The following FSTL5 variants were observed in gnomAD, a reference collection of about 807,000 sequenced individuals.
FSTL5 encodes follistatin like 5, also known as follistatin-related protein 5.
A neutral mutation model predicts 89.1 loss-of-function variants in FSTL5; 62 were observed. That is an observed-to-expected ratio of 0.70 (90% confidence interval 0.57 to 0.86). The LOEUF is 0.86. Ranked by LOEUF, FSTL5 falls within the 40% of genes least tolerant of loss-of-function variation. The probability of loss-of-function intolerance (pLI) is 0.00; values close to 1 mark genes in which losing one functional copy is unlikely to be tolerated. For missense variants in FSTL5, 1,057 were observed against 1,001.6 expected (o/e 1.06, Z -0.75); for synonymous variants, 383 against 346.2 (o/e 1.11, Z -1.18).
intron 2 of FSTL5, among the ~76,000 whole-genome samples, chr4:162,088,617 AAGTT>A (rs1218006005): frequency 6.6e-6 from 1 of 152,142 alleles, no homozygotes; most frequent in Non-Finnish European, 1.5e-5. Context: ...ACATAACTGT[AAGTT>A]AGCTACTTAA....
chr4:162,144,537 C>T (rs1035990262), intron 1 of FSTL5, among the ~76,000 whole-genome samples: 2 of 152,158 alleles, frequency 1.3e-5, no homozygotes, highest in South Asian at 4.1e-4. Flanking sequence ...TGGAATCAAA[C>T]TCAACTTAAT....
chr4:161,831,799 C>CAT lies in FSTL5; in HGVS notation c.410-55727_410-55726dup, dbSNP rs201582755. Among the ~76,000 whole-genome samples, 276 of 151,570 alleles carry CAT rather than the reference C, an allele frequency of 1.8e-3. 1 individual carries two copies. The highest frequency in any genetic ancestry group is 5.8e-3 in the African/African-American group (240 of 41,346). On this transcript the variant is annotated intron_variant, in intron 4 of 15. Transcript: ENST00000306100. ...GGAACAGCATAATAATATATAACAG[C>CAT]ATATATATACATATATATGCCATTC...
chr4:161,575,460 T>C (rs1733175940), intron 8 of FSTL5, among the ~76,000 whole-genome samples: 1 of 152,042 alleles, frequency 6.6e-6, no homozygotes, highest in Non-Finnish European at 1.5e-5. Context: ...TTCTTTTTTT[T>C]CTTTTTTTTT....
chr4:161,694,045 A>T (rs1579026975), intron 6 of FSTL5, among the ~76,000 whole-genome samples: 1 of 152,108 alleles, frequency 6.6e-6, no homozygotes, highest in Admixed American at 6.5e-5. Flanking sequence ...ATAAAAGTTT[A>T]TCAAATTTAT....
At chr4:161,444,348 C>T (rs1418168512) in intron 15 of FSTL5, among the ~76,000 whole-genome samples, 2 of 151,722 alleles carry the variant, frequency 1.3e-5, no homozygotes, top group Non-Finnish European at 2.9e-5. Flanking sequence ...TTTTCTCTCT[C>T]CCTTCTGAAA....
Position 161,660,650 on chromosome 4 carries a change from G to C in FSTL5, c.728-4156C>G, listed in dbSNP as rs565867411. 1.4e-3 allele frequency among the ~76,000 whole-genome samples: 216 copies of C among 152,076 alleles called. 1 individual carries two copies. The highest frequency in any genetic ancestry group is 5.0e-3 in the African/African-American group (208 of 41,460). ...ACCCTCCATGCTCTAATAGGCTCCA[G>C]TGTGTGTTGTTCCCATCTATGTGTC... On this transcript the variant is annotated intron_variant, in intron 6 of 15. Transcript: ENST00000306100.
At chr4:161,789,869 T>C (rs979699111) in intron 4 of FSTL5, among the ~76,000 whole-genome samples, 4 of 152,154 alleles carry the variant, frequency 2.6e-5, no homozygotes, top group Admixed American at 2.0e-4. Flanking sequence ...CAGCAAAGTA[T>C]GTAAAATGAA....
At chr4:161,561,440 G>C (rs1250764989) in intron 8 of FSTL5, among the ~76,000 whole-genome samples, 1 of 151,952 alleles carries the variant, frequency 6.6e-6, no homozygotes, top group Non-Finnish European at 1.5e-5. Flanking sequence ...TGATTTCCAG[G>C]AACTGCATGG....
chr4:161,764,754 A>C (rs1431577112), intron 5 of FSTL5, among the ~76,000 whole-genome samples: 1 of 152,204 alleles, frequency 6.6e-6, no homozygotes, highest in Non-Finnish European at 1.5e-5. Flanking sequence ...GGTATCCTAC[A>C]TGGCTCACAA....
chr4:161,803,493 A>T (rs1729863225), intron 4 of FSTL5, among the ~76,000 whole-genome samples: 1 of 151,986 alleles, frequency 6.6e-6, no homozygotes, highest in Non-Finnish European at 1.5e-5. Context: ...TTCTATATGT[A>T]AAGATAGTGA....
intron 1 of FSTL5, among the ~76,000 whole-genome samples, chr4:162,117,324 G>A (rs1278047969): frequency 6.6e-6 from 1 of 152,220 alleles, no homozygotes; most frequent in Non-Finnish European, 1.5e-5. Context: ...TATCAAGTTG[G>A]AGAAGAGAAA....
chr4:161,742,492 ATAT>A (rs1172291333), intron 6 of FSTL5, among the ~76,000 whole-genome samples: 3 of 152,220 alleles, frequency 2.0e-5, no homozygotes, highest in Non-Finnish European at 2.9e-5. Flanking sequence ...ATTTTTTAAA[ATAT>A]TATTATTGCT....
chr4:161,514,918 A>G (rs1349382657), intron 10 of FSTL5, among the ~76,000 whole-genome samples: 1 of 152,096 alleles, frequency 6.6e-6, no homozygotes, highest in Non-Finnish European at 1.5e-5. Context: ...AATAGCTTAA[A>G]AGCATAATAT....
intron 2 of FSTL5, among the ~76,000 whole-genome samples, chr4:162,088,938 GGATACTT>G (rs1290522616): frequency 6.6e-6 from 1 of 152,102 alleles, no homozygotes; most frequent in Non-Finnish European, 1.5e-5. Flanking sequence ...AGCATGTGTA[GGATACTT>G]GATCCCCAAT....
At chr4:161,505,965 C>T (rs1024634310) in intron 11 of FSTL5, among the ~76,000 whole-genome samples, 5 of 152,108 alleles carry the variant, frequency 3.3e-5, no homozygotes, top group Non-Finnish European at 5.9e-5. Context: ...GTCTTCCCCT[C>T]CCCCCAATGC....
At chr4:161,833,240 G>C (rs904040497) in intron 4 of FSTL5, among the ~76,000 whole-genome samples, 6 of 151,944 alleles carry the variant, frequency 3.9e-5, no homozygotes, top group Admixed American at 6.5e-5. Context: ...ACTGTGGTCT[G>C]AGAGACAGTT....
intron 7 of FSTL5, among the ~76,000 whole-genome samples, chr4:161,600,849 T>C (rs1734204864): frequency 6.6e-6 from 1 of 151,564 alleles, no homozygotes; most frequent in Admixed American, 6.6e-5. Flanking sequence ...ATCCAAACAA[T>C]GAGATGAAGC....
intron 15 of FSTL5, among the ~76,000 whole-genome samples, chr4:161,404,783 T>A (rs563357840): frequency 6.6e-6 from 1 of 151,266 alleles, no homozygotes; most frequent in Non-Finnish European, 1.5e-5. Flanking sequence ...CATTATATAT[T>A]AAATGTGTTG....
intron 2 of FSTL5, among the ~76,000 whole-genome samples, chr4:162,103,779 C>T (rs910305482): frequency 1.2e-4 from 19 of 152,136 alleles, no homozygotes; most frequent in African/African-American, 4.1e-4. Flanking sequence ...ACAGCATCCA[C>T]CTTTAAACAA....
Sources: gnomAD v4.1 joint callset for allele counts (sites outside exome capture counted in the v4.1 genomes callset) on GRCh38, gnomAD v4.1.1 for gene constraint, MANE v1.5 for transcripts, NCBI Gene and HGNC (gene_info 2026-07-23, HGNC 2026-07-21) for gene names.